The following BBX variants were observed in gnomAD, a reference collection of about 807,000 sequenced individuals.
BBX encodes the protein BBX high mobility group box domain containing, also known as HMG box transcription factor BBX.
BBX carries 30 observed loss-of-function variants against 100.2 expected under a neutral mutation model. That is an observed-to-expected ratio of 0.30 (90% CI 0.22 to 0.41). The LOEUF (loss-of-function observed/expected upper bound fraction) is 0.41, where lower values mean the gene tolerates loss of function less well. Among genes scored for constraint, BBX ranks in the 10% least tolerant of loss-of-function variants. The pLI is 1.00. For missense variants in BBX, 1,023 were observed against 1,129.8 expected, an observed-to-expected ratio of 0.91 and a Z score of 1.35; for synonymous variants, 376 against 388.1, an observed-to-expected ratio of 0.97 and a Z score of 0.37.
intron 2 of BBX, among the ~76,000 whole-genome samples, chr3:107,642,358 A>G (rs1307302499): frequency 6.6e-6 from 1 of 152,224 alleles, no homozygotes; most frequent in Non-Finnish European, 1.5e-5. Context: ...AGAAGATAAG[A>G]ATTGTATCCA....
chr3:107,623,570 T>C (rs2055943807), intron 2 of BBX, among the ~76,000 whole-genome samples: 1 of 152,170 alleles, frequency 6.6e-6, no homozygotes, highest in Non-Finnish European at 1.5e-5. Context: ...GTTGCTTTAG[T>C]ATGGAAATCA....
At chr3:107,682,165 G>T (rs1179154685) in intron 3 of BBX, among the ~76,000 whole-genome samples, 1 of 152,100 alleles carries the variant, frequency 6.6e-6, no homozygotes, top group Admixed American at 6.5e-5. Context: ...CATGGGTAGG[G>T]TGAGTGAGGT....
intron 3 of BBX, among the ~76,000 whole-genome samples, chr3:107,663,898 C>G (rs569752254): frequency 1.3e-5 from 2 of 151,578 alleles, no homozygotes; most frequent in Non-Finnish European, 1.5e-5. Context: ...CTCTGCCTCC[C>G]GGGTTCACGC....
intron 3 of BBX, among the ~76,000 whole-genome samples, chr3:107,648,364 T>TA (rs2057649178): frequency 6.6e-6 from 1 of 152,118 alleles, no homozygotes; most frequent in South Asian, 2.1e-4. Context: ...TTAAAGTGAA[T>TA]AAAAATTACT....
At chr3:107,725,204 CTGTT>C (rs1337154571) in intron 5 of BBX, among the ~76,000 whole-genome samples, 4 of 152,084 alleles carry the variant, frequency 2.6e-5, no homozygotes, top group Admixed American at 6.6e-5. Context: ...ATTTGGCTCT[CTGTT>C]TGTCTGTTAT....
At chr3:107,800,817 C>T (rs1443322889) in intron 16 of BBX, among the ~76,000 whole-genome samples, 1 of 152,224 alleles carries the variant, frequency 6.6e-6, no homozygotes. Context: ...TTCCTTCTCA[C>T]TCCAAGACTG....
At chr3:107,599,285 TCTGCTCCGCCCCATCC>T (rs2053892268) in intron 2 of BBX, 1 of 152,492 alleles carries the variant, frequency 6.6e-6, no homozygotes, top group African/African-American at 2.4e-5. Flanking sequence ...TGAGTTCCTT[TCTGCTCCGCCCCATCC>T]CTGCTCTCTG....
intron 2 of BBX, among the ~76,000 whole-genome samples, chr3:107,610,151 A>G (rs1448913295): frequency 1.3e-5 from 2 of 152,068 alleles, no homozygotes; most frequent in Admixed American, 6.5e-5. Context: ...ATTCAAGAAG[A>G]TATTGTTTAA....
intron 4 of BBX, among the ~76,000 whole-genome samples, chr3:107,711,921 T>C (rs75730580): frequency 0.053 from 7,993 of 152,076 alleles, 662 homozygotes; most frequent in African/African-American, 0.17. Flanking sequence ...GCCCAGGCTA[T>C]AGTACAGTGG....
At chr3:107,585,263 G>A (rs2052745417) in intron 2 of BBX, among the ~76,000 whole-genome samples, 1 of 152,146 alleles carries the variant, frequency 6.6e-6, no homozygotes, top group Admixed American at 6.5e-5. Context: ...ATCTAACAGT[G>A]GGTTGAGGAG....
chr3:107,561,460 A>G (rs1481053032), intron 2 of BBX, among the ~76,000 whole-genome samples: 1 of 152,222 alleles, frequency 6.6e-6, no homozygotes, highest in Non-Finnish European at 1.5e-5. Flanking sequence ...TGTTTTTGTA[A>G]TAGGGAAAAC....
chr3:107,763,022 A>G (rs1198038977), intron 10 of BBX, among the ~76,000 whole-genome samples: 2 of 152,212 alleles, frequency 1.3e-5, no homozygotes, highest in African/African-American at 4.8e-5. Flanking sequence ...CAGACTATTT[A>G]TATACAGTGT....
chr3:107,653,146 G>A (rs764456598), intron 3 of BBX, among the ~76,000 whole-genome samples: 1 of 151,980 alleles, frequency 6.6e-6, no homozygotes, highest in Non-Finnish European at 1.5e-5. Flanking sequence ...TCCAAATTAC[G>A]GTCTCTTTGT....
At chr3:107,592,860 A>C (rs2053430286) in intron 2 of BBX, among the ~76,000 whole-genome samples, 1 of 152,160 alleles carries the variant, frequency 6.6e-6, no homozygotes, top group African/African-American at 2.4e-5. Context: ...ATCTTATGGA[A>C]GAGTGGTTTT....
intron 7 of BBX, among the ~76,000 whole-genome samples, chr3:107,738,646 C>A (rs191355791): frequency 6.6e-6 from 1 of 152,286 alleles, no homozygotes; most frequent in African/African-American, 2.4e-5. Context: ...AGTCTTCTTG[C>A]AGCACGCAGG....
chr3:107,738,074 TAATA>T (rs2063785827), intron 7 of BBX, among the ~76,000 whole-genome samples: 1 of 151,452 alleles, frequency 6.6e-6, no homozygotes, highest in African/African-American at 2.4e-5. Context: ...ACTGAACCTG[TAATA>T]AATATATTTT....
At position 107,710,541 on chromosome 3, in the gene BBX, G is replaced by A. The variant is rs746667796; in HGVS notation, c.81G>A (p.Gln27=). Residue 27 remains glutamine (Q), a synonymous_variant, in exon 4 of 18, where the codon CAG becomes CAA. Coordinates refer to ENST00000325805, the MANE Select transcript of BBX (RefSeq NM_001142568.3). The part of the protein sequence containing the change: ...VGKRPKRKCL[Q]WHPLLAKKLL... Reference sequence around the variant, plus strand: ...AACGACCAAAACGAAAGTGTCTTCAGTGGCATCCATTGCTAGCAAAGAAAC... The same window carrying A: ...AACGACCAAAACGAAAGTGTCTTCAATGGCATCCATTGCTAGCAAAGAAAC... 1.2e-6 allele frequency: 2 copies of A among 1,613,896 alleles called. No homozygotes were observed. Among genetic ancestry groups the A allele is most frequent in the Non-Finnish European group, 8.5e-7 (1 of 1,179,908 alleles).
In BBX at chr3:107,627,705, A is replaced by G. The variant is rs545098458; in HGVS notation, c.-83-18131A>G. On this transcript the variant is annotated intron_variant, in intron 2 of 17. Coordinates refer to ENST00000325805, the MANE Select transcript of BBX (RefSeq NM_001142568.3). ...TTTTCTAAATTGACCATATCTCACT[A>G]TTGATAGTGATATAGGTATGGTTTC... Among the ~76,000 whole-genome samples the G allele has an allele frequency of 7.9e-5, 12 of 151,984 alleles. No individual in the cohort carries two copies. The East Asian group carries it at 2.1e-3, about 27-fold the overall frequency.
intron 3 of BBX, among the ~76,000 whole-genome samples, chr3:107,663,714 C>T (rs890659060): frequency 2.6e-5 from 4 of 152,012 alleles, no homozygotes; most frequent in African/African-American, 7.2e-5. Context: ...CATTTATTGT[C>T]ATATATGTAT....
Sources: allele counts gnomAD v4.1 joint callset (sites outside exome capture counted in the v4.1 genomes callset), GRCh38; gene constraint gnomAD v4.1.1; transcripts MANE v1.5; gene names NCBI Gene and HGNC (gene_info 2026-07-23, HGNC 2026-07-21).